Variants in LRRC39 observed in about 807,000 individuals in gnomAD.
LRRC39 encodes leucine rich repeat containing 39.
LRRC39 carries 35 observed loss-of-function variants against 39.7 expected under a neutral mutation model. The observed-to-expected ratio is 0.88, with a 90% CI of 0.67 to 1.17. The LOEUF (loss-of-function observed/expected upper bound fraction) is 1.17. LRRC39 is among the 50% of genes most tolerant of loss of function. The pLI is 0.00. For synonymous variants in LRRC39, 113 were observed against 134.1 expected (o/e 0.84, Z 1.09); for missense variants, 357 against 385.8 (o/e 0.93, Z 0.62).
chr1:100,176,515 T>C (rs190749283), intron 1 of LRRC39, among the ~76,000 whole-genome samples: 1 of 152,262 alleles, frequency 6.6e-6, no homozygotes, highest in East Asian at 1.9e-4. Context: ...CTGTGTGACA[T>C]TGGAGATATG....
At chr1:100,179,499 C>CAAAAAAAAAAAA (rs60588308), upstream of LRRC39, among the ~76,000 whole-genome samples, 3 of 45,616 alleles carry the variant, frequency 6.6e-5, no homozygotes, top group African/African-American at 8.2e-5. Flanking sequence ...CTGTATCTAC[C>CAAAAAAAAAAAA]AAAAAAAAAA....
intron 1 of LRRC39, among the ~76,000 whole-genome samples, chr1:100,174,735 AT>A (rs1175088121): frequency 5.3e-5 from 8 of 152,244 alleles, no homozygotes; most frequent in African/African-American, 1.9e-4. Flanking sequence ...TATAGGACTT[AT>A]CTTGATGTCC....
In LRRC39 at chr1:100,159,769, C is replaced by A. The variant is rs577286896; in HGVS notation, c.220-354G>T. Among the ~76,000 whole-genome samples, 5 of 151,844 alleles carry A rather than the reference C, an allele frequency of 3.3e-5. No individual in the cohort carries two copies. The East Asian group carries it at 9.7e-4, about 29-fold the overall frequency. On this transcript the variant is annotated intron_variant, in intron 4 of 9. Coordinates refer to ENST00000370137, the MANE Select transcript of LRRC39 (RefSeq NM_144620.4). The stretch of plus-strand genomic sequence containing the variant: ...TACATATATGTTATTGAAAATGAGA[C>A]AATCCAAAAAAATAATTTCAATCAA...
At chr1:100,172,761 C>G (rs1282242306) in intron 2 of LRRC39, among the ~76,000 whole-genome samples, 1 of 152,008 alleles carries the variant, frequency 6.6e-6, no homozygotes, top group East Asian at 1.9e-4. Flanking sequence ...GAGATCAAGA[C>G]CATCCTGGCT....
intron 1 of LRRC39, among the ~76,000 whole-genome samples, chr1:100,176,161 G>T (rs1300942972): frequency 6.6e-6 from 1 of 152,210 alleles, no homozygotes; most frequent in Admixed American, 6.5e-5. Flanking sequence ...AGCTGGACAT[G>T]GTGGCTCACG....
intron 3 of LRRC39, among the ~76,000 whole-genome samples, chr1:100,160,846 G>A (rs1251323182): frequency 2.0e-5 from 3 of 151,864 alleles, no homozygotes; most frequent in Admixed American, 6.6e-5. Context: ...GGCTGGTCTC[G>A]AACTCCTGAC....
In LRRC39 at chr1:100,158,895, C is replaced by T. The variant is rs528443468; in HGVS notation, c.376+364G>A. Among the ~76,000 whole-genome samples the T allele has an allele frequency of 4.0e-5, 6 of 151,218 alleles. No individual in the cohort carries two copies. In the South Asian group the frequency reaches 1.2e-3, roughly 31 times the overall value. On this transcript the variant is annotated intron_variant, in intron 5 of 9. Transcript: ENST00000370137. ...TCGAAAACTATTTTCATTTTGTCTA[C>T]ACAAAATCCTCAGCAATTTTCTATT... is the stretch of plus-strand genomic sequence containing the variant.
chr1:100,155,275 AT>A, intron 7 of LRRC39, 72 bp from the exon 8 acceptor site: 1 of 1,325,846 alleles, frequency 7.5e-7, no homozygotes. Flanking sequence ...TTAACAAATA[AT>A]TTTAAGAGGT....
At chr1:100,170,402 T>C (rs191047744) in intron 2 of LRRC39, among the ~76,000 whole-genome samples, 2 of 152,278 alleles carry the variant, frequency 1.3e-5, no homozygotes, top group African/African-American at 2.4e-5. Flanking sequence ...AAAGACCACA[T>C]ATATGATCTC....
chr1:100,153,907 C>T lies in LRRC39; in HGVS notation c.812+1144G>A, dbSNP rs547561395. Among the ~76,000 whole-genome samples the T allele has an allele frequency of 2.0e-5, 3 of 152,302 alleles. No individual in the cohort carries two copies. The South Asian group carries it at 6.2e-4, about 32-fold the overall frequency. On this transcript the variant is annotated intron_variant, in intron 8 of 9. Coordinates refer to ENST00000370137, the MANE Select transcript of LRRC39 (RefSeq NM_144620.4). ...AGTAGCTGTTATAGGCATGCACCAC[C>T]ACTCCCGACTAATATATCTGCTATC...
chr1:100,155,267 A>G, intron 7 of LRRC39, 64 bp from the exon 8 acceptor site: 1 of 1,384,958 alleles, frequency 7.2e-7, no homozygotes, highest in Non-Finnish European at 9.6e-7. Context: ...TTGGAGTTTT[A>G]ACAAATAATT....
Position 100,155,107 on chromosome 1 carries a change from G to A in LRRC39, c.756C>T (p.Leu252=). 1 of 1,608,728 alleles carries A rather than the reference G, an allele frequency of 6.2e-7. No homozygotes were observed. Among genetic ancestry groups the A allele is most frequent in the Non-Finnish European group, 8.5e-7 (1 of 1,178,168 alleles). The change falls in exon 8 of 10, where the codon CTC becomes CTT. Residue 252 remains leucine (L), a synonymous_variant. Transcript: ENST00000370137. Reference sequence around the variant, plus strand: ...GAATATCTTGCAGTTTATTGTTGCTGAGAACAAGAGTACCCAGATTTTTCA... The same window carrying A: ...GAATATCTTGCAGTTTATTGTTGCTAAGAACAAGAGTACCCAGATTTTTCA... The part of the protein sequence containing the change: ...SNMKNLGTLV[L]SNNKLQDIPV...
At position 100,149,105 on chromosome 1, in the gene LRRC39, A is replaced by G; in HGVS notation, c.953-8T>C. ...AACCGTTGACTTGGTGATCTGAAAC[A>G]TACATAACATGTCAACACATAATTA... On this transcript the variant is annotated splice_region_variant and splice_polypyrimidine_tract_variant and intron_variant, in intron 9 of 9. Coordinates refer to ENST00000370137, the MANE Select transcript of LRRC39 (RefSeq NM_144620.4). 6.3e-7 allele frequency: 1 copy of G among 1,597,960 alleles called. No homozygotes were observed. Among genetic ancestry groups the G allele is most frequent in the East Asian group, 2.3e-5 (1 of 44,150 alleles).
intron 6 of LRRC39, 90 bp downstream of exon 6, chr1:100,158,141 C>T (rs1658586899): frequency 2.9e-6 from 4 of 1,359,262 alleles, no homozygotes; most frequent in Admixed American, 2.2e-5. Context: ...AGAATTTTCT[C>T]ATTAGTTTTA....
chr1:100,158,776 G>A (rs1658663076), intron 5 of LRRC39, among the ~76,000 whole-genome samples: 1 of 151,794 alleles, frequency 6.6e-6, no homozygotes, highest in Non-Finnish European at 1.5e-5. Context: ...TGGCAAATTC[G>A]GAGTTCTTAG....
rs779955063 is a variant in LRRC39, at chr1:100,152,515, G to A, written c.822C>T (p.Asn274=). The part of the protein sequence containing the change: ...MEEMANLRFV[N]FRDNPLKLKV... Reference sequence around the variant, plus strand: ...TCAATTTCAGTGGGTTGTCTCTGAAGTTGACAAACCTAGAAGTTCATCAAA... The same window carrying A: ...TCAATTTCAGTGGGTTGTCTCTGAAATTGACAAACCTAGAAGTTCATCAAA... Residue 274 remains asparagine, a synonymous_variant, in exon 9 of 10, where the codon AAC becomes AAT. Transcript: ENST00000370137. 7.4e-6 allele frequency: 12 copies of A among 1,613,704 alleles called. No homozygotes were observed. In the South Asian group the frequency reaches 1.2e-4, roughly 16 times the overall value.
At chr1:100,170,635 T>C (rs998580832) in intron 2 of LRRC39, among the ~76,000 whole-genome samples, 1 of 152,222 alleles carries the variant, frequency 6.6e-6, no homozygotes, top group African/African-American at 2.4e-5. Context: ...TATATTTCAA[T>C]TAATTTTTTC....
intron 3 of LRRC39, among the ~76,000 whole-genome samples, chr1:100,167,328 A>T (rs993558413): frequency 4.7e-5 from 7 of 148,584 alleles, no homozygotes; most frequent in Non-Finnish European, 9.0e-5. Context: ...GAAGGTGATT[A>T]AAAAAAAAAG....
At chr1:100,153,698 A>G (rs1238142317) in intron 8 of LRRC39, among the ~76,000 whole-genome samples, 2 of 152,210 alleles carry the variant, frequency 1.3e-5, no homozygotes. Context: ...AAAAGAAAAA[A>G]TGCTTGACAG....
Sources: gnomAD v4.1 joint callset for allele counts (sites outside exome capture counted in the v4.1 genomes callset) on GRCh38, gnomAD v4.1.1 for gene constraint, MANE v1.5 for transcripts, NCBI Gene and HGNC (gene_info 2026-07-23, HGNC 2026-07-21) for gene names.